ERC2: variants seen among roughly 807,000 people sequenced by gnomAD.
ERC2 encodes the protein ERC protein 2.
A neutral mutation model predicts 114.8 loss-of-function variants in ERC2; 42 were observed. The observed-to-expected ratio is 0.37, with a 90% CI of 0.29 to 0.47. ERC2 has a LOEUF of 0.47. Ranked by LOEUF, ERC2 falls within the 20% of genes least tolerant of loss-of-function variation. The probability of loss-of-function intolerance (pLI) is 0.99; values close to 1 mark genes in which losing one functional copy is unlikely to be tolerated. For synonymous variants in ERC2, 454 were observed against 425.5 expected (o/e 1.07, Z -0.82); for missense variants, 939 against 1,150.7 (o/e 0.82, Z 2.66).
At chr3:55,521,873 C>T (rs1453445542) in intron 17 of ERC2, among the ~76,000 whole-genome samples, 1 of 152,174 alleles carries the variant, frequency 6.6e-6, no homozygotes, top group African/African-American at 2.4e-5. Flanking sequence ...CGGTTGTGGT[C>T]ACTAAACCCA....
chr3:55,654,798 T>C (rs1217385269), intron 17 of ERC2, among the ~76,000 whole-genome samples: 2 of 152,218 alleles, frequency 1.3e-5, no homozygotes, highest in African/African-American at 2.4e-5. Flanking sequence ...CCATCCCTAA[T>C]TGCCAGGTTA....
intron 16 of ERC2, among the ~76,000 whole-genome samples, chr3:55,695,445 A>G (rs2062878871): frequency 6.6e-6 from 1 of 152,162 alleles, no homozygotes; most frequent in East Asian, 1.9e-4. Flanking sequence ...AGGGGGCTAG[A>G]TTCTTGAGCT....
At chr3:55,730,587 T>C (rs2148909716) in intron 15 of ERC2, among the ~76,000 whole-genome samples, 1 of 152,316 alleles carries the variant, frequency 6.6e-6, no homozygotes, top group African/African-American at 2.4e-5. Flanking sequence ...AAAGGCTACC[T>C]GGGCTAGGCA....
intron 10 of ERC2, among the ~76,000 whole-genome samples, chr3:55,993,235 G>A (rs1160657814): frequency 2.0e-5 from 3 of 152,094 alleles, no homozygotes; most frequent in Non-Finnish European, 1.5e-5. Context: ...AACATAGAAA[G>A]TTCAGATAAG....
chr3:55,547,584 C>T (rs1161224109), intron 17 of ERC2, among the ~76,000 whole-genome samples: 2 of 152,160 alleles, frequency 1.3e-5, no homozygotes, highest in Non-Finnish European at 2.9e-5. Flanking sequence ...ACGCTTCCTC[C>T]GTGGGGTAGC....
intron 17 of ERC2, among the ~76,000 whole-genome samples, chr3:55,545,552 C>T (rs1311475978): frequency 1.3e-5 from 2 of 152,214 alleles, no homozygotes; most frequent in African/African-American, 2.4e-5. Flanking sequence ...AACTGAGGAA[C>T]AATTTATCCT....
intron 2 of ERC2, among the ~76,000 whole-genome samples, chr3:56,323,616 G>A (rs927583750): frequency 6.6e-6 from 1 of 152,054 alleles, no homozygotes; most frequent in African/African-American, 2.4e-5. Flanking sequence ...ACCAAGTTTG[G>A]GGCTGATTAT....
In ERC2 at chr3:55,866,452, A is replaced by C. The variant is rs116382996; in HGVS notation, c.2564+21937T>G. Among the ~76,000 whole-genome samples the C allele has an allele frequency of 9.0e-3, 1,368 of 152,292 alleles. 19 individuals carry two copies. Among genetic ancestry groups the C allele is most frequent in the African/African-American group, 0.032 (1,313 of 41,564 alleles). On this transcript the variant is annotated intron_variant, in intron 14 of 17. Coordinates refer to ENST00000288221, the MANE Select transcript of ERC2 (RefSeq NM_015576.3). ...TCTTGATAGTATCGTTTGTAGCACAAAAGTTTTTAATTTTGATGAAGTCCA... is the reference window on the plus strand; with the variant it reads ...TCTTGATAGTATCGTTTGTAGCACACAAGTTTTTAATTTTGATGAAGTCCA...
chr3:55,890,366 A>G (rs554276562), intron 13 of ERC2, among the ~76,000 whole-genome samples: 5 of 152,282 alleles, frequency 3.3e-5, no homozygotes, highest in Admixed American at 3.3e-4. Context: ...TGTCCTCATG[A>G]TTCCTTTTCT....
chr3:55,544,276 G>C (rs926007009), intron 17 of ERC2, among the ~76,000 whole-genome samples: 5 of 152,114 alleles, frequency 3.3e-5, no homozygotes, highest in Non-Finnish European at 5.9e-5. Flanking sequence ...GCAAGTGTTC[G>C]ACAGACAGAA....
intron 3 of ERC2, among the ~76,000 whole-genome samples, chr3:56,294,551 A>G (rs756009119): frequency 3.3e-5 from 5 of 152,194 alleles, no homozygotes; most frequent in Non-Finnish European, 5.9e-5. Context: ...GCCTCTCCAC[A>G]TGGCAGCTTG....
intron 6 of ERC2, among the ~76,000 whole-genome samples, chr3:56,130,253 A>G (rs1401549522): frequency 1.3e-5 from 2 of 151,998 alleles, no homozygotes; most frequent in Non-Finnish European, 2.9e-5. Context: ...CTGCACCAGT[A>G]CTCATTTGTG....
chr3:56,003,430 T>C (rs2072235735), intron 10 of ERC2, among the ~76,000 whole-genome samples: 1 of 152,150 alleles, frequency 6.6e-6, no homozygotes, highest in Non-Finnish European at 1.5e-5. Context: ...CCACTTTTGA[T>C]GATACATGAA....
rs370202865 is a variant in ERC2, at chr3:55,950,927, A to G, written c.2268-367T>C. 3.9e-3 allele frequency among the ~76,000 whole-genome samples: 588 copies of G among 152,300 alleles called. 3 individuals are homozygous for G. Among genetic ancestry groups the G allele is most frequent in the Non-Finnish European group, 6.4e-3 (434 of 68,022 alleles). ...ATGTGCATGTGTGGACAGGTGGTGG[A>G]GTGGAAGGAGATGACTTTAGATGCT... On this transcript the variant is annotated intron_variant, in intron 12 of 17. Transcript: ENST00000288221.
chr3:56,002,960 A>T (rs1444106035), intron 10 of ERC2: 14 of 558,694 alleles, frequency 2.5e-5, no homozygotes, highest in Admixed American at 4.8e-5. Flanking sequence ...CTCAGCACAG[A>T]TCATTTCTTT....
At chr3:56,160,474 A>C (rs2149987265) in intron 4 of ERC2, among the ~76,000 whole-genome samples, 1 of 152,284 alleles carries the variant, frequency 6.6e-6, no homozygotes, top group Non-Finnish European at 1.5e-5. Flanking sequence ...GAAGAACTGT[A>C]GTTTAATTAG....
At chr3:55,876,769 T>G (rs2062869326) in intron 14 of ERC2, among the ~76,000 whole-genome samples, 1 of 152,178 alleles carries the variant, frequency 6.6e-6, no homozygotes, top group Non-Finnish European at 1.5e-5. Flanking sequence ...ACAGGTCTTT[T>G]GGATTCCAGC....
chr3:55,580,332 C>T (rs998839722), intron 17 of ERC2, among the ~76,000 whole-genome samples: 4 of 151,414 alleles, frequency 2.6e-5, no homozygotes, highest in East Asian at 1.9e-4. Flanking sequence ...TACCACTTTG[C>T]GAAAATCTTG....
chr3:56,404,533 T>C (rs1434359618), intron 2 of ERC2, among the ~76,000 whole-genome samples: 1 of 152,198 alleles, frequency 6.6e-6, no homozygotes, highest in Admixed American at 6.5e-5. Flanking sequence ...AGGGTGATTA[T>C]AGTCAATAAT....
Sources: allele counts gnomAD v4.1 joint callset (sites outside exome capture counted in the v4.1 genomes callset), GRCh38; gene constraint gnomAD v4.1.1; transcripts MANE v1.5; gene names NCBI Gene and HGNC (gene_info 2026-07-23, HGNC 2026-07-21).